The following ELF4 variants were observed in gnomAD, a reference collection of about 807,000 sequenced individuals.
ELF4 encodes E74 like ETS transcription factor 4.
Under a neutral mutation model 31.7 loss-of-function variants are expected in ELF4, and 10 were observed. That is an observed-to-expected ratio of 0.32 (90% CI 0.19 to 0.54). The LOEUF (loss-of-function observed/expected upper bound fraction) is 0.54, where lower values mean the gene tolerates loss of function less well. Ranked by LOEUF, ELF4 falls within the 20% of genes least tolerant of loss-of-function variation. ELF4 has a pLI of 0.95. For missense variants in ELF4, 418 were observed against 522.0 expected (o/e 0.80, Z 1.94); for synonymous variants, 208 against 226.7 (o/e 0.92, Z 0.74).
chrX:130,094,190 C>G (rs1287405465), intron 1 of ELF4, among the ~76,000 whole-genome samples: 1 of 111,288 alleles, frequency 9.0e-6, no homozygotes, highest in Non-Finnish European at 1.9e-5. Flanking sequence ...TCGAGACCAG[C>G]CTGGTCAATA....
At chrX:130,090,975 GCTAA>G (rs1933047174) in intron 1 of ELF4, among the ~76,000 whole-genome samples, 1 of 111,221 alleles carries the variant, frequency 9.0e-6, no homozygotes, top group Admixed American at 9.6e-5. Context: ...ACCGTGCCCG[GCTAA>G]CTTTTTGTAT....
chrX:130,074,806 C>G (rs1410070369), intron 2 of ELF4, 54 bp from the exon 3 acceptor site: 2 of 1,182,201 alleles, frequency 1.7e-6, no homozygotes, highest in Non-Finnish European at 2.3e-6. Context: ...TCCAGCAAAC[C>G]CTCCCTACCA....
At chrX:130,079,774 A>G (rs763776891) in intron 2 of ELF4, among the ~76,000 whole-genome samples, 3 of 111,993 alleles carry the variant, frequency 2.7e-5, no homozygotes, top group African/African-American at 9.7e-5. Context: ...AACAGCCTCT[A>G]TGAAGAAAAG....
chrX:130,096,311 T>G (rs966557815), intron 1 of ELF4, among the ~76,000 whole-genome samples: 1 of 110,988 alleles, frequency 9.0e-6, no homozygotes, highest in South Asian at 3.8e-4. Flanking sequence ...GCCTCCCAAA[T>G]AGCTGGGACT....
At position 130,084,393 on chromosome X, in the gene ELF4, G is replaced by C. The variant is rs751571742; in HGVS notation, c.-209-2854C>G. Among the ~76,000 whole-genome samples the C allele has an allele frequency of 1.2e-3, 135 of 112,646 alleles. 1 individual carries two copies. Among genetic ancestry groups the C allele is most frequent in the African/African-American group, 4.2e-3 (131 of 31,018 alleles). On this transcript the variant is annotated intron_variant, in intron 1 of 8. Transcript: ENST00000308167. ...AAAGTCCATGTGCCAGGGAGCTGGTGGGGGAGGGAGGCAGCCAGGGCCCTG... is the reference window on the plus strand; with the variant it reads ...AAAGTCCATGTGCCAGGGAGCTGGTCGGGGAGGGAGGCAGCCAGGGCCCTG...
chrX:130,073,019 G>A (rs1932801904), intron 4 of ELF4, among the ~76,000 whole-genome samples: 1 of 112,365 alleles, frequency 8.9e-6, no homozygotes, highest in Non-Finnish European at 1.9e-5. Flanking sequence ...TCATTGGGAA[G>A]AGCCTGCCTT....
chrX:130,074,165 G>A (rs1932813371), intron 3 of ELF4, 24 bp from the exon 4 acceptor site: 2 of 1,206,407 alleles, frequency 1.7e-6, no homozygotes, highest in Non-Finnish European at 2.2e-6. Context: ...CATGGTGGGA[G>A]GAGAGAAGAA....
intron 2 of ELF4, among the ~76,000 whole-genome samples, chrX:130,075,916 A>G (rs1933062061): frequency 8.9e-6 from 1 of 111,746 alleles, no homozygotes; most frequent in Admixed American, 9.5e-5. Context: ...GCTTCATTCA[A>G]CAGGGACATG....
chrX:130,064,040 A>C lies in ELF4; in HGVS notation c.*2681T>G, dbSNP rs1449724061. Among the ~76,000 whole-genome samples, 1 of 107,606 alleles carries C rather than the reference A, an allele frequency of 9.3e-6. No homozygotes were observed. The highest frequency in any genetic ancestry group is 1.9e-5 in the Non-Finnish European group (1 of 52,213). 93.4% of individuals were successfully genotyped at this position (107,606 alleles called of 115,157 possible). A position where few individuals can be genotyped will look rare whatever the true frequency, so the allele number is the denominator to read the frequency against. On this transcript the variant is annotated 3_prime_UTR_variant, in exon 9 of 9. Coordinates refer to ENST00000308167, the MANE Select transcript of ELF4 (RefSeq NM_001421.4). ...TTTAAGTTCTGGGATACATGTGCAG[A>C]ACGTGCAGGTTTGTTACATAGGTAT...
intron 7 of ELF4, 65 bp downstream of exon 7, chrX:130,070,974 CT>C: frequency 8.4e-7 from 1 of 1,194,504 alleles, no homozygotes. Flanking sequence ...AGGAGGACTC[CT>C]TGGACTTAAG....
Position 130,069,751 on chromosome X carries a change from G to T in ELF4, c.810-74C>A. 19 of 1,189,762 alleles carry T rather than the reference G, an allele frequency of 1.6e-5. No individual in the cohort carries two copies. In the South Asian group the frequency reaches 3.4e-4, roughly 21 times the overall value. On this transcript the variant is annotated intron_variant, in intron 7 of 8. Transcript: ENST00000308167. ...GAGACCTTCTACCTCCATCTCCCCA[G>T]TGCTCCTCCCCGAGGGCTAGGCAAG... is the stretch of plus-strand genomic sequence containing the variant.
At chrX:130,087,484 C>CT (rs1297914172) in intron 1 of ELF4, among the ~76,000 whole-genome samples, 2 of 112,604 alleles carry the variant, frequency 1.8e-5, no homozygotes, top group Non-Finnish European at 3.8e-5. Flanking sequence ...ACGTGTTTTT[C>CT]TTTTTTTATT....
chrX:130,069,367 T>C lies in ELF4; in HGVS notation c.1120A>G (p.Ile374Val). 1 of 1,211,975 alleles carries C rather than the reference T, an allele frequency of 8.3e-7. No individual in the cohort carries two copies. Among genetic ancestry groups the C allele is most frequent in the Non-Finnish European group, 1.1e-6 (1 of 895,534 alleles). Residue 374 changes from isoleucine to valine, a missense_variant, in exon 8 of 9, where the codon ATC (isoleucine) becomes GTC (valine). Ile to Val is a conservative substitution (Grantham distance 29, BLOSUM62 3). This residue lies in a region of ELF4 where 260 missense variants were observed against 269.2 expected (regional missense o/e 0.97). Coordinates refer to ENST00000308167, the MANE Select transcript of ELF4 (RefSeq NM_001421.4). ...ACGAGCATGGTGGAGGTAGTGGGGA[T>C]CTCCTCGTCTAGCGACGGTCCCAAT... ...LELGPSLDEEIPTTSTMLVSP... is the reference protein window; with the variant it reads ...LELGPSLDEEVPTTSTMLVSP...
In ELF4 at chrX:130,065,681, G is replaced by A; in HGVS notation, c.*1040C>T. On this transcript the variant is annotated 3_prime_UTR_variant, in exon 9 of 9. Coordinates refer to ENST00000308167, the MANE Select transcript of ELF4 (RefSeq NM_001421.4). ...AAAATGTCAAAAAGTAATCAAGAGG[G>A]AGCCCAGGATCGGGGAAGTAGGCTG... 5.7e-6 allele frequency: 1 copy of A among 176,097 alleles called. No individual in the cohort carries two copies. The highest frequency in any genetic ancestry group is 1.1e-5 in the Non-Finnish European group (1 of 91,789). 14.5% of individuals were successfully genotyped at this position (176,097 alleles called of 1,213,427 possible). A position where few individuals can be genotyped will look rare whatever the true frequency, so the allele number is the denominator to read the frequency against.
chrX:130,070,367 T>C (rs921332644), intron 7 of ELF4, among the ~76,000 whole-genome samples: 3 of 110,524 alleles, frequency 2.7e-5, no homozygotes, highest in Non-Finnish European at 5.7e-5. Flanking sequence ...GGTCAGCAGA[T>C]TGAAACCATC....
chrX:130,075,883 G>C (rs1021574846), intron 2 of ELF4, among the ~76,000 whole-genome samples: 1 of 111,559 alleles, frequency 9.0e-6, no homozygotes, highest in East Asian at 2.8e-4. Flanking sequence ...CTGCCTGGAT[G>C]GGGGAGAGGG....
chrX:130,095,956 C>T (rs1168090298), intron 1 of ELF4, among the ~76,000 whole-genome samples: 4 of 111,580 alleles, frequency 3.6e-5, no homozygotes, highest in Non-Finnish European at 7.5e-5. Flanking sequence ...GGACTAATCA[C>T]GGGGCCCACC....
chrX:130,067,589 A>T (rs1932716256), intron 8 of ELF4, 64 bp from the exon 9 acceptor site: 1 of 1,055,138 alleles, frequency 9.5e-7, no homozygotes, highest in Non-Finnish European at 1.3e-6. Context: ...GTTAGGAAGG[A>T]GGGCACGAGA....
chrX:130,081,377 A>G lies in ELF4; in HGVS notation c.-47T>C, dbSNP rs747131860. ...CAACGGGATTATCAGAGCCCTCCAG[A>G]GCTGTGGGGCTTTCTTGATGAAGGG... On this transcript the variant is annotated 5_prime_UTR_variant, in exon 2 of 9. Transcript: ENST00000308167. The G allele has an allele frequency of 2.6e-6, 3 of 1,150,637 alleles. No individual in the cohort carries two copies. Among genetic ancestry groups the G allele is most frequent in the East Asian group, 6.0e-5 (2 of 33,528 alleles). The allele number at this position is 1,150,637 out of a possible 1,213,427, so 94.8% of individuals were successfully genotyped here. A position where few individuals can be genotyped will look rare whatever the true frequency, so the allele number is the denominator to read the frequency against.
Sources: gnomAD v4.1 joint callset for allele counts (sites outside exome capture counted in the v4.1 genomes callset) on GRCh38, gnomAD v4.1.1 for gene constraint, gnomAD v4.1.1 regional missense constraint, MANE v1.5 for transcripts, NCBI Gene and HGNC (gene_info 2026-07-23, HGNC 2026-07-21) for gene names.